The following STXBP4 variants were observed in gnomAD, a reference collection of about 807,000 sequenced individuals.
STXBP4 encodes syntaxin binding protein 4, also known as syntaxin-binding protein 4.
A neutral mutation model predicts 76.1 loss-of-function variants in STXBP4; 55 were observed. That is an observed-to-expected ratio of 0.72 (90% CI 0.58 to 0.91). STXBP4 has a LOEUF of 0.91. Ranked by LOEUF, STXBP4 falls within the 40% of genes least tolerant of loss-of-function variation. STXBP4 has a pLI of 0.00. For missense variants in STXBP4, 618 were observed against 636.9 expected (o/e 0.97, Z 0.32); for synonymous variants, 201 against 220.2 (o/e 0.91, Z 0.77).
chr17:55,151,098 T>C (rs1186043171), intron 17 of STXBP4, among the ~76,000 whole-genome samples: 1 of 152,208 alleles, frequency 6.6e-6, no homozygotes, highest in Non-Finnish European at 1.5e-5. Flanking sequence ...CAAATTCTCC[T>C]CTAGAGCCTC....
intron 10 of STXBP4, among the ~76,000 whole-genome samples, chr17:55,040,184 T>C (rs571931423): frequency 1.2e-3 from 187 of 152,256 alleles, no homozygotes; most frequent in African/African-American, 4.1e-3. Context: ...CCTTCAACAA[T>C]GTTATATATA....
chr17:55,178,443 T>C (rs1427564418), downstream of STXBP4, among the ~76,000 whole-genome samples: 1 of 152,230 alleles, frequency 6.6e-6, no homozygotes, highest in East Asian at 1.9e-4. Context: ...ATCTGCAGAA[T>C]GCAAATATCA....
intron 8 of STXBP4, among the ~76,000 whole-genome samples, chr17:55,021,384 TGTG>T (rs910987592): frequency 6.6e-6 from 1 of 151,988 alleles, no homozygotes; most frequent in Non-Finnish European, 1.5e-5. Context: ...ATTAGCCAGT[TGTG>T]GTGGTGGACA....
At chr17:55,121,994 A>C (rs962762965) in intron 16 of STXBP4, among the ~76,000 whole-genome samples, 1 of 152,172 alleles carries the variant, frequency 6.6e-6, no homozygotes, top group African/African-American at 2.4e-5. Context: ...GTGTCTAGCA[A>C]CCTTTAGGCT....
At chr17:55,144,051 G>A (rs1035157553) in intron 17 of STXBP4, among the ~76,000 whole-genome samples, 10 of 126,232 alleles carry the variant, frequency 7.9e-5, no homozygotes, top group South Asian at 2.8e-4. Flanking sequence ...ACACACACAC[G>A]CCTCACCACC....
intron 7 of STXBP4, among the ~76,000 whole-genome samples, chr17:55,004,769 G>A (rs762167844): frequency 4.0e-5 from 6 of 151,776 alleles, no homozygotes; most frequent in South Asian, 2.1e-4. Context: ...AGAAGGAGAC[G>A]GAGGGAGAAG....
intron 12 of STXBP4, among the ~76,000 whole-genome samples, chr17:55,055,591 C>G (rs1401940023): frequency 1.3e-5 from 2 of 152,148 alleles, no homozygotes. Flanking sequence ...CCAGGACTTT[C>G]CATCTCAGTC....
At chr17:55,009,481 A>C (rs908238930) in intron 8 of STXBP4, among the ~76,000 whole-genome samples, 5 of 152,164 alleles carry the variant, frequency 3.3e-5, no homozygotes, top group Non-Finnish European at 1.5e-5. Context: ...TTTCTAGCAC[A>C]TGATATTATT....
intron 12 of STXBP4, among the ~76,000 whole-genome samples, chr17:55,067,873 AAGGAGG>A (rs1263117274): frequency 3.2e-4 from 49 of 152,096 alleles, no homozygotes. Flanking sequence ...CTGGTTAGGT[AAGGAGG>A]AGGAGGAGTT....
intron 12 of STXBP4, among the ~76,000 whole-genome samples, chr17:55,065,647 A>C (rs979961320): frequency 4.6e-5 from 7 of 151,946 alleles, no homozygotes; most frequent in African/African-American, 1.7e-4. Flanking sequence ...GTCAGTCTTC[A>C]TTAAACCAGA....
chr17:55,153,648 T>G (rs562396774), intron 17 of STXBP4, among the ~76,000 whole-genome samples: 13 of 152,314 alleles, frequency 8.5e-5, no homozygotes, highest in Admixed American at 3.3e-4. Context: ...AAACTTCTTT[T>G]GTTGATTAAA....
the STXBP4 span, among the ~76,000 whole-genome samples, chr17:55,188,004 G>T: frequency 6.6e-6 from 1 of 152,086 alleles, no homozygotes; most frequent in African/African-American, 2.4e-5. Context: ...GATTGGCACT[G>T]TTATCATATC....
intron 6 of STXBP4, among the ~76,000 whole-genome samples, chr17:55,000,475 A>G (rs964562969): frequency 2.0e-5 from 3 of 152,190 alleles, no homozygotes; most frequent in Admixed American, 2.0e-4. Flanking sequence ...AATTCATCAA[A>G]GGTAACTTCA....
At chr17:55,128,412 A>G (rs913547690) in intron 16 of STXBP4, among the ~76,000 whole-genome samples, 1 of 152,158 alleles carries the variant, frequency 6.6e-6, no homozygotes, top group African/African-American at 2.4e-5. Context: ...TGCTTGGATG[A>G]GATTCCAAAT....
intron 1 of STXBP4, among the ~76,000 whole-genome samples, chr17:54,969,116 A>C (rs9904513): frequency 6.6e-6 from 1 of 152,094 alleles, no homozygotes; most frequent in African/African-American, 2.4e-5. Flanking sequence ...CGCAGCCCTC[A>C]TGGGCACCCA....
At chr17:55,059,121 T>C (rs1375942106) in intron 12 of STXBP4, among the ~76,000 whole-genome samples, 1 of 152,108 alleles carries the variant, frequency 6.6e-6, no homozygotes, top group Non-Finnish European at 1.5e-5. Context: ...TCCATACTTA[T>C]TTTATGGACA....
intron 12 of STXBP4, among the ~76,000 whole-genome samples, chr17:55,049,342 G>A (rs1354540249): frequency 6.6e-6 from 1 of 151,816 alleles, no homozygotes; most frequent in Non-Finnish European, 1.5e-5. Context: ...TTGTACAGGT[G>A]AGACTAAAAT....
rs538575584 is a variant in STXBP4 at position 55,161,239 on chromosome 17, G to A, written c.*1328G>A. The A allele has an allele frequency of 5.3e-5, 8 of 152,268 alleles. 1 individual carries two copies. In the East Asian group the frequency reaches 1.2e-3, roughly 22 times the overall value. 9.4% of individuals were successfully genotyped at this position (152,268 alleles called of 1,614,324 possible). On this transcript the variant is annotated 3_prime_UTR_variant, in exon 18 of 18. Transcript: ENST00000376352. ...AATCCATTTAGGATTTGTGATTTAT[G>A]TCTTGAGTAATAATATAAAGTCAAC... is the stretch of plus-strand genomic sequence containing the variant.
downstream of STXBP4, among the ~76,000 whole-genome samples, chr17:55,178,281 G>A (rs553486101): frequency 4.6e-5 from 7 of 152,260 alleles, no homozygotes; most frequent in African/African-American, 1.4e-4. Context: ...TAATCCTGAC[G>A]GTTCTTCAGC....
Sources: allele counts gnomAD v4.1 joint callset (sites outside exome capture counted in the v4.1 genomes callset), GRCh38; gene constraint gnomAD v4.1.1; transcripts MANE v1.5; gene names NCBI Gene and HGNC (gene_info 2026-07-23, HGNC 2026-07-21).